The following NVL variants were observed in gnomAD, a reference collection of about 807,000 sequenced individuals.
NVL encodes nuclear VCP like, also known as nuclear valosin-containing protein-like.
NVL carries 84 observed loss-of-function variants against 110.2 expected under a neutral mutation model. The ratio of observed to expected loss-of-function variants is 0.76; its 90% CI spans 0.64 to 0.91. The LOEUF (loss-of-function observed/expected upper bound fraction) is 0.91, where lower values mean the gene tolerates loss of function less well. Among genes scored for constraint, NVL ranks in the 40% least tolerant of loss-of-function variants. The pLI, the probability that NVL is intolerant of heterozygous loss-of-function variation, is 0.00. For synonymous variants in NVL, 354 were observed against 361.1 expected, an observed-to-expected ratio of 0.98 and a Z score of 0.22; for missense variants, 882 against 1,035.9, an observed-to-expected ratio of 0.85 and a Z score of 2.04.
At chr1:224,238,822 T>C (rs1283974554) in intron 19 of NVL, among the ~76,000 whole-genome samples, 1 of 152,208 alleles carries the variant, frequency 6.6e-6, no homozygotes, top group Non-Finnish European at 1.5e-5. Context: ...TTCTATTTTA[T>C]TGTGGCAAAA....
intron 11 of NVL, among the ~76,000 whole-genome samples, chr1:224,294,923 C>T (rs1369073173): frequency 1.3e-5 from 2 of 152,174 alleles, no homozygotes; most frequent in Admixed American, 6.5e-5. Flanking sequence ...AACAGGGAGG[C>T]TGGGGAGGAT....
intron 19 of NVL, among the ~76,000 whole-genome samples, chr1:224,243,693 G>A (rs1278202999): frequency 1.6e-5 from 2 of 128,186 alleles, no homozygotes; most frequent in Non-Finnish European, 3.1e-5. Context: ...ATGAGGTCTC[G>A]ATCTGTCACT....
chr1:224,265,426 C>T (rs1335755187), intron 18 of NVL, among the ~76,000 whole-genome samples: 1 of 152,032 alleles, frequency 6.6e-6, no homozygotes, highest in Admixed American at 6.6e-5. Context: ...AATCTTTGAA[C>T]CCAGGAGGCA....
Position 224,231,221 on chromosome 1 carries a change from C to T in NVL, c.2526+5G>A, listed in dbSNP as rs746562005. 1.2e-6 allele frequency: 2 copies of T among 1,603,414 alleles called. No individual in the cohort carries two copies. Among genetic ancestry groups the T allele is most frequent in the South Asian group, 2.2e-5 (2 of 90,886 alleles). On this transcript the variant is annotated splice_donor_5th_base_variant and intron_variant, in intron 22 of 22. Coordinates refer to ENST00000281701, the MANE Select transcript of NVL (RefSeq NM_002533.4). ...TTTCTCTATGCATTTAATGGCATTG[C>T]TTACCTTTTTTGATATAGATGATCT... is the stretch of plus-strand genomic sequence containing the variant.
At chr1:224,319,318 G>GT (rs1221555215) in intron 2 of NVL, among the ~76,000 whole-genome samples, 3 of 150,346 alleles carry the variant, frequency 2.0e-5, no homozygotes, top group Admixed American at 1.3e-4. Context: ...CTTTCTTTTT[G>GT]TTTTTTTGAA....
chr1:224,304,197 T>C (rs373442384), intron 8 of NVL, among the ~76,000 whole-genome samples: 8 of 152,190 alleles, frequency 5.3e-5, no homozygotes, highest in East Asian at 3.9e-4. Context: ...GAGGCTGAGG[T>C]GGGCAGATCA....
chr1:224,306,195 G>T (rs1668895716), intron 6 of NVL, among the ~76,000 whole-genome samples: 1 of 152,166 alleles, frequency 6.6e-6, no homozygotes, highest in Non-Finnish European at 1.5e-5. Context: ...AGGCTATAGT[G>T]TTCTGTGATC....
chr1:224,266,526 C>T (rs1664519652), intron 18 of NVL, among the ~76,000 whole-genome samples: 1 of 152,198 alleles, frequency 6.6e-6, no homozygotes, highest in African/African-American at 2.4e-5. Flanking sequence ...AGATGCAGGC[C>T]ACTCAGCCTT....
chr1:224,306,968 G>T (rs2001890), intron 6 of NVL, among the ~76,000 whole-genome samples: 54,568 of 151,984 alleles, frequency 0.36, 10,130 homozygotes, highest in East Asian at 0.45. Context: ...AAGGGGAAAG[G>T]TTCTGCCAAA....
rs1486083534 is a variant in NVL, at chr1:224,303,709, T to C, written c.960+14A>G. ...CAAAAACAGCAAAAGCAAACAAATG[T>C]CAGCAAGCCTCACCCCAGCAATTGC... On this transcript the variant is annotated intron_variant, in intron 9 of 22. Coordinates refer to ENST00000281701, the MANE Select transcript of NVL (RefSeq NM_002533.4). 1 of 1,592,454 alleles carries C rather than the reference T, an allele frequency of 6.3e-7. No individual in the cohort carries two copies. Among genetic ancestry groups the C allele is most frequent in the Non-Finnish European group, 8.5e-7 (1 of 1,170,270 alleles).
At chr1:224,288,716 A>C (rs1667098028) in intron 13 of NVL, among the ~76,000 whole-genome samples, 1 of 152,176 alleles carries the variant, frequency 6.6e-6, no homozygotes, top group South Asian at 2.1e-4. Flanking sequence ...ACAACCACTT[A>C]AGCTTAGTGC....
chr1:224,255,410 T>C (rs1224432920), intron 18 of NVL, among the ~76,000 whole-genome samples: 1 of 151,424 alleles, frequency 6.6e-6, no homozygotes, highest in Non-Finnish European at 1.5e-5. Context: ...GCCAGGTTGG[T>C]CTCGATCTCC....
chr1:224,255,912 T>A (rs1221391488), intron 18 of NVL, among the ~76,000 whole-genome samples: 1 of 152,234 alleles, frequency 6.6e-6, no homozygotes, highest in East Asian at 1.9e-4. Flanking sequence ...AGGTATGAAT[T>A]AAGGTTCAAT....
intron 19 of NVL, among the ~76,000 whole-genome samples, chr1:224,244,090 G>A (rs902920489): frequency 4.6e-5 from 7 of 151,758 alleles, no homozygotes; most frequent in South Asian, 2.1e-4. Context: ...TCTGGGGGCC[G>A]GGCGTGGTGG....
chr1:224,311,107 G>T (rs986659589), intron 5 of NVL, among the ~76,000 whole-genome samples: 27 of 152,082 alleles, frequency 1.8e-4, no homozygotes, highest in African/African-American at 6.0e-4. Context: ...GCTCAGGCTG[G>T]AGTGCAGTAG....
At chr1:224,324,749 A>C (rs908768161) in intron 2 of NVL, among the ~76,000 whole-genome samples, 11 of 152,076 alleles carry the variant, frequency 7.2e-5, no homozygotes, top group African/African-American at 2.2e-4. Flanking sequence ...TTGAGATGAG[A>C]GTTTGGACTT....
intron 18 of NVL, among the ~76,000 whole-genome samples, chr1:224,253,284 T>C (rs766672005): frequency 3.8e-4 from 57 of 151,322 alleles, no homozygotes; most frequent in Non-Finnish European, 7.1e-4. Context: ...GCTCCTGACC[T>C]CATGATCCAC....
At chr1:224,267,908 G>T (rs1027871993) in intron 18 of NVL, 126 bp downstream of exon 18, 6 of 641,408 alleles carry the variant, frequency 9.4e-6, no homozygotes, top group Non-Finnish European at 1.6e-5. Context: ...TTCCTAGGAT[G>T]CATGTGAATT....
At chr1:224,277,977 A>T (rs577533551) in intron 16 of NVL, among the ~76,000 whole-genome samples, 5 of 152,306 alleles carry the variant, frequency 3.3e-5, no homozygotes, top group Admixed American at 3.3e-4. Context: ...CGAATCTTTC[A>T]GGGTTCTGTC....
Sources: gnomAD v4.1 joint callset for allele counts (sites outside exome capture counted in the v4.1 genomes callset) on GRCh38, gnomAD v4.1.1 for gene constraint, MANE v1.5 for transcripts, NCBI Gene and HGNC (gene_info 2026-07-23, HGNC 2026-07-21) for gene names.